HDX: variants seen among roughly 807,000 people sequenced by gnomAD.
The protein encoded by HDX is highly divergent homeobox.
Under a neutral mutation model 45.2 loss-of-function variants are expected in HDX, and 19 were observed. The ratio of observed to expected loss-of-function variants is 0.42; its 90% confidence interval spans 0.29 to 0.62. The LOEUF (loss-of-function observed/expected upper bound fraction) is 0.62. HDX is among the 20% of genes least tolerant of loss of function. The pLI, the probability that HDX is intolerant of heterozygous loss-of-function variation, is 0.20. For missense variants in HDX, 532 were observed against 493.9 expected, an observed-to-expected ratio of 1.08 and a Z score of -0.73; for synonymous variants, 188 against 172.8, an observed-to-expected ratio of 1.09 and a Z score of -0.69.
At chrX:84,479,388 G>A (rs898572696) in intron 2 of HDX, among the ~76,000 whole-genome samples, 5 of 111,961 alleles carry the variant, frequency 4.5e-5, no homozygotes, top group Middle Eastern at 4.6e-3. Flanking sequence ...TGTGTCATCA[G>A]TAGTTTGTTC....
intron 5 of HDX, among the ~76,000 whole-genome samples, chrX:84,362,528 G>A (rs1318150951): frequency 9.1e-6 from 1 of 109,981 alleles, no homozygotes; most frequent in Non-Finnish European, 1.9e-5. Flanking sequence ...TATATATCCT[G>A]CAAAGCCCTG....
Position 84,442,467 on chromosome X carries a change from T to TA in HDX, c.1252-1883dup, listed in dbSNP as rs1306620178. On this transcript the variant is annotated intron_variant, in intron 4 of 10. Coordinates refer to ENST00000373177, the MANE Select transcript of HDX (RefSeq NM_001177479.2). ...TCCAAATAATACTTTTAAGGAAAAA[T>TA]AAAAAATATTTTTACTCAAGATAAA... Among the ~76,000 whole-genome samples, 5 of 110,518 alleles carry TA rather than the reference T, an allele frequency of 4.5e-5. No individual in the cohort carries two copies. In the East Asian group the frequency reaches 1.1e-3, roughly 25 times the overall value.
intron 5 of HDX, among the ~76,000 whole-genome samples, chrX:84,384,640 T>C (rs997158784): frequency 9.1e-6 from 1 of 110,440 alleles, no homozygotes; most frequent in African/African-American, 3.3e-5. Flanking sequence ...AGTTTTCCTG[T>C]AAGATTTTTG....
At chrX:84,331,845 C>CA (rs1437238841) in intron 9 of HDX, among the ~76,000 whole-genome samples, 1 of 111,564 alleles carries the variant, frequency 9.0e-6, no homozygotes, top group Admixed American at 9.5e-5. Flanking sequence ...TAGGCTATAC[C>CA]ATATACCCTA....
intron 3 of HDX, among the ~76,000 whole-genome samples, chrX:84,472,469 G>T (rs2040471282): frequency 9.0e-6 from 1 of 111,005 alleles, no homozygotes; most frequent in African/African-American, 3.3e-5. Context: ...CAACAAATTA[G>T]AAATTACAAA....
chrX:84,365,710 C>T (rs994970239), intron 5 of HDX, among the ~76,000 whole-genome samples: 1 of 111,831 alleles, frequency 8.9e-6, no homozygotes, highest in Admixed American at 9.5e-5. Flanking sequence ...CCCAGTTTTC[C>T]CTGGATGCCA....
At chrX:84,381,117 C>T (rs2147903712) in intron 5 of HDX, among the ~76,000 whole-genome samples, 1 of 110,542 alleles carries the variant, frequency 9.0e-6, no homozygotes, top group East Asian at 2.8e-4. Flanking sequence ...TTACAATAGC[C>T]ACAATAAATA....
intron 5 of HDX, among the ~76,000 whole-genome samples, chrX:84,434,764 G>A (rs1328189988): frequency 2.7e-5 from 3 of 111,412 alleles, no homozygotes; most frequent in Non-Finnish European, 5.7e-5. Context: ...TTCTTTAAAG[G>A]TGTGGTAGAA....
chrX:84,499,723 G>C (rs968146062), intron 1 of HDX, among the ~76,000 whole-genome samples: 4 of 111,095 alleles, frequency 3.6e-5, no homozygotes, highest in African/African-American at 1.3e-4. Context: ...AAGTGAGGCA[G>C]GAGCCAAAGT....
At chrX:84,459,432 A>T (rs1166620946) in intron 4 of HDX, among the ~76,000 whole-genome samples, 1 of 107,661 alleles carries the variant, frequency 9.3e-6, no homozygotes, top group Non-Finnish European at 1.9e-5. Context: ...ACAGAGCGAG[A>T]CTCGATCTCA....
chrX:84,500,446 A>G (rs193199096), intron 1 of HDX: 1 of 90,681 alleles, frequency 1.1e-5, no homozygotes, highest in African/African-American at 4.9e-5. Flanking sequence ...TTCCAGTCTA[A>G]CACACACACA....
At chrX:84,454,299 C>G (rs193212667) in intron 4 of HDX, among the ~76,000 whole-genome samples, 3 of 111,441 alleles carry the variant, frequency 2.7e-5, no homozygotes, top group African/African-American at 9.8e-5. Flanking sequence ...GGGCTTGGCT[C>G]TTGGATGGAA....
At chrX:84,408,158 G>A (rs1196520893) in intron 5 of HDX, among the ~76,000 whole-genome samples, 1 of 111,240 alleles carries the variant, frequency 9.0e-6, no homozygotes, top group African/African-American at 3.3e-5. Context: ...ATATCTTCCA[G>A]GGTTTTTATA....
intron 5 of HDX, among the ~76,000 whole-genome samples, chrX:84,418,704 C>T (rs185143704): frequency 1.8e-5 from 2 of 111,411 alleles, no homozygotes; most frequent in Admixed American, 9.5e-5. Context: ...AAGACTGCAA[C>T]TCTTAGGCAT....
At chrX:84,435,975 A>C (rs1954616710) in intron 5 of HDX, among the ~76,000 whole-genome samples, 3 of 90,260 alleles carry the variant, frequency 3.3e-5, no homozygotes, top group South Asian at 6.0e-4. Context: ...AGACACATGC[A>C]CATGTATGTT....
chrX:84,452,181 GA>G lies in HDX; in HGVS notation c.1252-11597del, dbSNP rs1318638989. Among the ~76,000 whole-genome samples the G allele has an allele frequency of 5.4e-5, 6 of 110,785 alleles. No homozygotes were observed. The Admixed American group carries it at 5.8e-4, about 11-fold the overall frequency. ...TCCCATCCAGAGTAATCAGGCAAAA[GA>G]AAAAATAAAAGGCAGCAACATTGGA... On this transcript the variant is annotated intron_variant, in intron 4 of 10. Coordinates refer to ENST00000373177, the MANE Select transcript of HDX (RefSeq NM_001177479.2).
intron 6 of HDX, among the ~76,000 whole-genome samples, chrX:84,360,553 C>T (rs2037597578): frequency 9.0e-6 from 1 of 111,421 alleles, no homozygotes; most frequent in Non-Finnish European, 1.9e-5. Flanking sequence ...AAATCCCATG[C>T]ATATTAACAG....
Position 84,385,196 on chromosome X carries a change from C to CTTTTTT in HDX, c.1306-23590_1306-23585dup, listed in dbSNP as rs146043472. Among the ~76,000 whole-genome samples, 15 of 29,536 alleles carry CTTTTTT rather than the reference C, an allele frequency of 5.1e-4. 1 individual carries two copies. The highest frequency in any genetic ancestry group is 1.1e-3 in the African/African-American group (7 of 6,284). 25.6% of individuals were successfully genotyped at this position (29,536 alleles called of 115,157 possible). The stretch of plus-strand genomic sequence containing the variant: ...CATATATTTGTGTCATCTCTGATTT[C>CTTTTTT]TTTTTTTTTTTTTTTTTTTTTTTTT... On this transcript the variant is annotated intron_variant, in intron 5 of 10. Transcript: ENST00000373177.
chrX:84,498,905 C>G (rs1472540782), intron 1 of HDX, among the ~76,000 whole-genome samples: 1 of 109,070 alleles, frequency 9.2e-6, no homozygotes, highest in Admixed American at 9.9e-5. Flanking sequence ...TAAAGCTCTG[C>G]CAAAAGTTCA....
Sources: gnomAD v4.1 joint callset for allele counts (sites outside exome capture counted in the v4.1 genomes callset) on GRCh38, gnomAD v4.1.1 for gene constraint, MANE v1.5 for transcripts, NCBI Gene and HGNC (gene_info 2026-07-23, HGNC 2026-07-21) for gene names.